The following NAV2 variants were observed in gnomAD, a reference collection of about 807,000 sequenced individuals.
NAV2 encodes the protein helicase, APC down-regulated 1.
In NAV2, 54 loss-of-function variants were observed where a neutral mutation model predicts 223.2. The ratio of observed to expected loss-of-function variants is 0.24; its 90% CI spans 0.19 to 0.30. The LOEUF (loss-of-function observed/expected upper bound fraction) is 0.30, where lower values mean the gene tolerates loss of function less well. Among genes scored for constraint, NAV2 ranks in the 10% least tolerant of loss-of-function variants. The pLI is 1.00. For synonymous variants in NAV2, 1,279 were observed against 1,239.3 expected (o/e 1.03, Z -0.67); for missense variants, 2,806 against 3,147.5 (o/e 0.89, Z 2.60).
chr11:20,094,642 A>G (rs992226155), intron 29 of NAV2, among the ~76,000 whole-genome samples: 2 of 152,314 alleles, frequency 1.3e-5, no homozygotes. Flanking sequence ...AGTCACCTTC[A>G]AAAGTTATAT....
chr11:19,543,275 G>T (rs1303204941), intron 1 of NAV2, among the ~76,000 whole-genome samples: 1 of 152,202 alleles, frequency 6.6e-6, no homozygotes, highest in Non-Finnish European at 1.5e-5. Context: ...ATGGTAGTCA[G>T]TCTTCCTCTT....
intron 1 of NAV2, among the ~76,000 whole-genome samples, chr11:19,420,673 A>T (rs1012316897): frequency 6.6e-6 from 1 of 152,234 alleles, no homozygotes; most frequent in African/African-American, 2.4e-5. Context: ...TTTCACTTCT[A>T]TAAAGTTCCA....
chr11:19,951,382 C>T (rs2153375759), intron 10 of NAV2, among the ~76,000 whole-genome samples: 1 of 151,924 alleles, frequency 6.6e-6, no homozygotes, highest in Admixed American at 6.6e-5. Context: ...TTAGAGCATC[C>T]TTTTTTTTCT....
At chr11:19,717,126 G>A (rs1359215438) in intron 1 of NAV2, among the ~76,000 whole-genome samples, 2 of 152,218 alleles carry the variant, frequency 1.3e-5, no homozygotes, top group African/African-American at 4.8e-5. Flanking sequence ...GCAAGGTACA[G>A]CCACTTGCTC....
intron 1 of NAV2, among the ~76,000 whole-genome samples, chr11:19,808,806 T>G (rs1362819859): frequency 7.2e-5 from 11 of 152,220 alleles, no homozygotes; most frequent in Admixed American, 6.5e-4. Flanking sequence ...CATGGGTTAT[T>G]GAGTATTTAA....
At chr11:19,875,214 G>A (rs1009431116) in intron 4 of NAV2, among the ~76,000 whole-genome samples, 4 of 152,106 alleles carry the variant, frequency 2.6e-5, no homozygotes, top group Non-Finnish European at 5.9e-5. Context: ...ACTTACTGTA[G>A]GGTTATGTCC....
chr11:19,607,069 T>G (rs1223977692), intron 1 of NAV2, among the ~76,000 whole-genome samples: 3 of 152,230 alleles, frequency 2.0e-5, no homozygotes, highest in Non-Finnish European at 2.9e-5. Flanking sequence ...AGCTGGGCTC[T>G]AATCGGACTT....
chr11:19,441,860 C>A (rs549879387), intron 1 of NAV2, among the ~76,000 whole-genome samples: 7 of 152,188 alleles, frequency 4.6e-5, no homozygotes, highest in African/African-American at 1.7e-4. Context: ...AGCATTAGCA[C>A]GTATTCAATT....
intron 10 of NAV2, among the ~76,000 whole-genome samples, chr11:19,958,228 T>C (rs942412456): frequency 2.6e-5 from 4 of 152,176 alleles, no homozygotes; most frequent in Non-Finnish European, 4.4e-5. Context: ...TGGCCTACCT[T>C]CTGGGTAGGC....
chr11:19,466,991 A>T (rs1422583339), intron 1 of NAV2, among the ~76,000 whole-genome samples: 2 of 101,730 alleles, frequency 2.0e-5, no homozygotes, highest in African/African-American at 6.3e-5. Flanking sequence ...CTCTACACAC[A>T]CACACACACA....
intron 1 of NAV2, among the ~76,000 whole-genome samples, chr11:19,432,123 G>A (rs1274287859): frequency 6.6e-6 from 1 of 151,790 alleles, no homozygotes; most frequent in African/African-American, 2.4e-5. Context: ...ACTTGAACCC[G>A]GGAAGTGGAT....
intron 1 of NAV2, among the ~76,000 whole-genome samples, chr11:19,452,897 T>C (rs1851837400): frequency 6.6e-6 from 1 of 152,208 alleles, no homozygotes. Context: ...TAGCTAACAC[T>C]TAAATAGTGG....
chr11:19,553,522 C>CA (rs1389497083), intron 1 of NAV2, among the ~76,000 whole-genome samples: 2 of 149,606 alleles, frequency 1.3e-5, no homozygotes, highest in Non-Finnish European at 3.0e-5. Context: ...CACACACACA[C>CA]CTCTCTCCCC....
intron 1 of NAV2, among the ~76,000 whole-genome samples, chr11:19,719,901 C>G (rs540596581): frequency 6.6e-6 from 1 of 152,320 alleles, no homozygotes; most frequent in East Asian, 1.9e-4. Context: ...GGGAAGCTTC[C>G]TTTGTACAAC....
chr11:19,671,398 T>C (rs1590066761), intron 1 of NAV2, among the ~76,000 whole-genome samples: 1 of 152,206 alleles, frequency 6.6e-6, no homozygotes, highest in Non-Finnish European at 1.5e-5. Flanking sequence ...GTCTTGTTGA[T>C]GGTGACTCTG....
chr11:19,425,397 T>G (rs1850787111), intron 1 of NAV2, among the ~76,000 whole-genome samples: 1 of 152,210 alleles, frequency 6.6e-6, no homozygotes, highest in Non-Finnish European at 1.5e-5. Flanking sequence ...CATGAATGCC[T>G]TTTCCTTCTT....
At chr11:19,756,094 T>C (rs2054208733) in intron 1 of NAV2, among the ~76,000 whole-genome samples, 1 of 152,088 alleles carries the variant, frequency 6.6e-6, no homozygotes, top group South Asian at 2.1e-4. Flanking sequence ...AGAGCCTCAA[T>C]CTCCTGTACA....
chr11:19,644,785 C>T (rs1184405386), intron 1 of NAV2, among the ~76,000 whole-genome samples: 1 of 152,198 alleles, frequency 6.6e-6, no homozygotes, highest in Non-Finnish European at 1.5e-5. Context: ...ATCTGAAAAT[C>T]AGGATAGATG....
chr11:19,742,018 CT>C (rs58969525), intron 1 of NAV2, among the ~76,000 whole-genome samples: 3 of 151,964 alleles, frequency 2.0e-5, no homozygotes, highest in African/African-American at 7.2e-5. Flanking sequence ...TATCTTTTGA[CT>C]TTTTTTGGAT....
Sources: gnomAD v4.1 joint callset for allele counts (sites outside exome capture counted in the v4.1 genomes callset) on GRCh38, gnomAD v4.1.1 for gene constraint, MANE v1.5 for transcripts, NCBI Gene and HGNC (gene_info 2026-07-23, HGNC 2026-07-21) for gene names.